CTNNA2: variants seen among roughly 807,000 people sequenced by gnomAD.
CTNNA2 encodes catenin alpha 2, also known as catenin alpha-2.
CTNNA2 carries 42 observed loss-of-function variants against 101.0 expected under a neutral mutation model. That is an observed-to-expected ratio of 0.42 (90% CI 0.32 to 0.54). The LOEUF (loss-of-function observed/expected upper bound fraction) is 0.54. Ranked by LOEUF, CTNNA2 falls within the 20% of genes least tolerant of loss-of-function variation. The probability of loss-of-function intolerance (pLI) is 0.14; values close to 1 mark genes in which losing one functional copy is unlikely to be tolerated. For synonymous variants in CTNNA2, 450 were observed against 456.4 expected (o/e 0.99, Z 0.18); for missense variants, 871 against 1,223.1 (o/e 0.71, Z 4.29).
chr2:80,269,401 G>C (rs144676577), intron 7 of CTNNA2, among the ~76,000 whole-genome samples: 2,642 of 152,192 alleles, frequency 0.017, 38 homozygotes, highest in Non-Finnish European at 0.025. Flanking sequence ...AGTTTCTTGA[G>C]GCCTCCCCAG....
intron 2 of CTNNA2, among the ~76,000 whole-genome samples, chr2:79,268,987 C>A (rs1402160987): frequency 6.6e-6 from 1 of 152,030 alleles, no homozygotes; most frequent in Non-Finnish European, 1.5e-5. Flanking sequence ...GGGCTTGTTT[C>A]TCATTTTCTT....
intron 3 of CTNNA2, among the ~76,000 whole-genome samples, chr2:79,337,771 C>T (rs953136211): frequency 2.6e-5 from 4 of 151,666 alleles, no homozygotes; most frequent in African/African-American, 4.9e-5. Context: ...CATTTACCTA[C>T]GTAGAGCTTA....
chr2:80,146,940 TTTA>T (rs1703386467), intron 7 of CTNNA2, among the ~76,000 whole-genome samples: 3 of 107,512 alleles, frequency 2.8e-5, no homozygotes, highest in African/African-American at 1.0e-4. Flanking sequence ...TTGTATTTTA[TTTA>T]TTTATTTATT....
chr2:79,326,131 G>T (rs1241046104), intron 3 of CTNNA2, among the ~76,000 whole-genome samples: 1 of 152,070 alleles, frequency 6.6e-6, no homozygotes, highest in Non-Finnish European at 1.5e-5. Context: ...CACTTATTGA[G>T]CATGTATTGA....
intron 7 of CTNNA2, among the ~76,000 whole-genome samples, chr2:80,046,460 C>CA (rs1303030157): frequency 6.6e-6 from 1 of 152,094 alleles, no homozygotes; most frequent in Non-Finnish European, 1.5e-5. Flanking sequence ...AGTATCCCCC[C>CA]AAATAGCTCT....
intron 1 of CTNNA2, among the ~76,000 whole-genome samples, chr2:79,614,606 A>G (rs1337931174): frequency 6.6e-6 from 1 of 152,168 alleles, no homozygotes; most frequent in Non-Finnish European, 1.5e-5. Context: ...TAAGTACTAC[A>G]GTGTCAAAAT....
At chr2:79,913,995 G>A (rs934577999) in intron 7 of CTNNA2, among the ~76,000 whole-genome samples, 6 of 151,488 alleles carry the variant, frequency 4.0e-5, no homozygotes, top group Non-Finnish European at 7.4e-5. Context: ...GTGAAACCCC[G>A]TCTCTACTAA....
At chr2:79,462,998 G>T (rs138835716) in intron 4 of CTNNA2, among the ~76,000 whole-genome samples, 1 of 152,154 alleles carries the variant, frequency 6.6e-6, no homozygotes, top group Non-Finnish European at 1.5e-5. Context: ...GGTGAAACTC[G>T]CTAGACTATC....
chr2:79,858,587 T>A (rs1681330610), intron 4 of CTNNA2, among the ~76,000 whole-genome samples: 1 of 152,144 alleles, frequency 6.6e-6, no homozygotes, highest in Admixed American at 6.6e-5. Context: ...GTGCCCACCT[T>A]AGTGTGGATT....
chr2:79,786,236 G>GT (rs201857564), intron 3 of CTNNA2, among the ~76,000 whole-genome samples: 115 of 151,520 alleles, frequency 7.6e-4, no homozygotes, highest in Admixed American at 1.4e-3. Context: ...AGTAGACATG[G>GT]TTTTTTTTTA....
chr2:79,577,849 A>G (rs1675893434), intron 1 of CTNNA2, among the ~76,000 whole-genome samples: 1 of 152,186 alleles, frequency 6.6e-6, no homozygotes, highest in Non-Finnish European at 1.5e-5. Context: ...TCTGAGTCTA[A>G]TTCATTCCCT....
chr2:79,466,861 C>T (rs1421196065), intron 4 of CTNNA2, among the ~76,000 whole-genome samples: 1 of 152,154 alleles, frequency 6.6e-6, no homozygotes, highest in Non-Finnish European at 1.5e-5. Flanking sequence ...GACATCCATA[C>T]CAAAACCCCA....
At chr2:80,006,042 TTG>T (rs1228046744) in intron 7 of CTNNA2, among the ~76,000 whole-genome samples, 1 of 152,148 alleles carries the variant, frequency 6.6e-6, no homozygotes, top group African/African-American at 2.4e-5. Context: ...AGTTGCTCTG[TTG>T]TGTTTCTGTG....
chr2:80,001,748 A>G (rs1692966864), intron 7 of CTNNA2, among the ~76,000 whole-genome samples: 1 of 152,166 alleles, frequency 6.6e-6, no homozygotes, highest in African/African-American at 2.4e-5. Context: ...GGCCGGACAC[A>G]GCCTCCTGTG....
At chr2:80,298,037 T>TTATATA in intron 7 of CTNNA2, 1 of 149,680 alleles carries the variant, frequency 6.7e-6, no homozygotes, top group East Asian at 2.0e-4. Context: ...ATATTATATA[T>TTATATA]TATATATATA....
chr2:80,221,660 AATTTC>A (rs1325352660), intron 7 of CTNNA2, among the ~76,000 whole-genome samples: 1 of 152,102 alleles, frequency 6.6e-6, no homozygotes, highest in African/African-American at 2.4e-5. Flanking sequence ...AATTATTGAA[AATTTC>A]ATGGAAGAAG....
At chr2:79,964,617 TAGAG>T (rs1689899070) in intron 7 of CTNNA2, among the ~76,000 whole-genome samples, 1 of 152,182 alleles carries the variant, frequency 6.6e-6, no homozygotes, top group African/African-American at 2.4e-5. Context: ...AATAATGAAT[TAGAG>T]AGAGGTAAGG....
intron 9 of CTNNA2, among the ~76,000 whole-genome samples, chr2:80,519,611 C>A (rs188300542): frequency 1.3e-5 from 2 of 152,314 alleles, no homozygotes; most frequent in East Asian, 3.9e-4. Context: ...AGAACTAATT[C>A]CTTGACCTGA....
intron 7 of CTNNA2, among the ~76,000 whole-genome samples, chr2:80,043,122 C>T (rs1336511799): frequency 2.5e-3 from 41 of 16,588 alleles, no homozygotes; most frequent in African/African-American, 5.3e-3. Flanking sequence ...TTTCTTTCTC[C>T]TTCCTTCCTT....
Sources: allele counts gnomAD v4.1 joint callset (sites outside exome capture counted in the v4.1 genomes callset), GRCh38; gene constraint gnomAD v4.1.1; transcripts MANE v1.5; gene names NCBI Gene and HGNC (gene_info 2026-07-23, HGNC 2026-07-21).